EFCAB13: variants seen among roughly 807,000 people sequenced by gnomAD.
EFCAB13 encodes EF-hand calcium binding domain 13, also known as EF-hand calcium-binding domain-containing protein 13.
A neutral mutation model predicts 110.2 loss-of-function variants in EFCAB13; 91 were observed. That is an observed-to-expected ratio of 0.83 (90% CI 0.70 to 0.98). The LOEUF is 0.98. EFCAB13 is among the 50% of genes least tolerant of loss of function. EFCAB13 has a pLI of 0.00. For missense variants in EFCAB13, 968 were observed against 1,119.4 expected (o/e 0.86, Z 1.93); for synonymous variants, 323 against 369.9 (o/e 0.87, Z 1.45).
intron 5 of EFCAB13, among the ~76,000 whole-genome samples, chr17:47,336,418 A>G (rs1208766401): frequency 6.6e-6 from 1 of 151,740 alleles, no homozygotes; most frequent in African/African-American, 2.4e-5. Flanking sequence ...CAGCCTCCCA[A>G]GTAGCTGGGA....
intron 23 of EFCAB13, chr17:47,423,592 A>C: frequency 6.9e-5 from 23 of 334,640 alleles, no homozygotes; most frequent in Non-Finnish European, 7.5e-5. Flanking sequence ...CGGTCCTGGG[A>C]ACCCGCGACG....
intron 14 of EFCAB13, among the ~76,000 whole-genome samples, chr17:47,379,817 T>C (rs1219008408): frequency 1.3e-5 from 2 of 152,224 alleles, no homozygotes; most frequent in African/African-American, 2.4e-5. Context: ...TAAGGCTTGC[T>C]GTTTTTATTT....
chr17:47,390,904 GTGTC>G (rs1383889952), intron 14 of EFCAB13, among the ~76,000 whole-genome samples: 6 of 118,892 alleles, frequency 5.0e-5, no homozygotes, highest in South Asian at 2.8e-4. Flanking sequence ...ATGTGTATGT[GTGTC>G]TGTCTGTCTA....
chr17:47,370,227 T>C (rs2143345850), intron 10 of EFCAB13, among the ~76,000 whole-genome samples: 1 of 152,328 alleles, frequency 6.6e-6, no homozygotes, highest in South Asian at 2.1e-4. Flanking sequence ...AAAAACTCTT[T>C]TATTAAGGAG....
chr17:47,424,877 T>G (rs1904882766), intron 23 of EFCAB13, among the ~76,000 whole-genome samples: 1 of 38,518 alleles, frequency 2.6e-5, no homozygotes, highest in Non-Finnish European at 4.9e-5. Flanking sequence ...TGACAATCTT[T>G]TTTTTTTTTT....
intron 6 of EFCAB13, among the ~76,000 whole-genome samples, chr17:47,342,329 A>T (rs1316085240): frequency 6.6e-6 from 1 of 152,032 alleles, no homozygotes; most frequent in Admixed American, 6.6e-5. Context: ...CAGGAACCCT[A>T]GGTGTTCTTT....
intron 24 of EFCAB13, among the ~76,000 whole-genome samples, chr17:47,432,781 G>C (rs1441929476): frequency 6.6e-6 from 1 of 151,776 alleles, no homozygotes; most frequent in Non-Finnish European, 1.5e-5. Context: ...TATTTTAGAT[G>C]TATCTCATGA....
chr17:47,374,949 C>A lies in EFCAB13; in HGVS notation c.1355C>A (p.Thr452Asn). 6.3e-7 allele frequency: 1 copy of A among 1,578,616 alleles called. No individual in the cohort carries two copies. Among genetic ancestry groups the A allele is most frequent in the South Asian group, 1.2e-5 (1 of 83,636 alleles). Reference protein sequence around the residue: ...LQKQVSSTEKTAISTLENFCE... With the variant: ...LQKQVSSTEKNAISTLENFCE... The stretch of plus-strand genomic sequence containing the variant: ...AAACAGGTTTCGTCTACGGAAAAAA[C>A]TGCAATTAGTACTCTGGGTAAGTAA... Residue 452 changes from threonine (T) to asparagine (N), a missense_variant, in exon 12 of 25, where the codon ACT becomes AAT. Coordinates refer to ENST00000331493, the MANE Select transcript of EFCAB13 (RefSeq NM_152347.5).
chr17:47,420,216 C>G (rs761194054), intron 23 of EFCAB13, among the ~76,000 whole-genome samples: 12 of 152,210 alleles, frequency 7.9e-5, no homozygotes, highest in Non-Finnish European at 1.8e-4. Flanking sequence ...CCCAAGGTGC[C>G]GGGGTTGCAG....
chr17:47,440,671 C>T lies in EFCAB13; in HGVS notation c.2879C>T (p.Ser960Phe), dbSNP rs1197542373. 5 of 1,599,646 alleles carry T rather than the reference C, an allele frequency of 3.1e-6. No individual in the cohort carries two copies. Among genetic ancestry groups the T allele is most frequent in the Non-Finnish European group, 3.4e-6 (4 of 1,175,548 alleles). ...AGTTTACATAACTTCTGTTTGAATT[C>T]TAAGGCAAATATTGCTAAGCTTAAC... ...KISLHNFCLN[S>F]KANIAKLNPN... Residue 960 changes from serine to phenylalanine, a missense_variant, in exon 25 of 25, where the codon TCT (serine) becomes TTT (phenylalanine). Ser to Phe is a radical substitution (Grantham distance 155). Transcript: ENST00000331493.
intron 21 of EFCAB13, among the ~76,000 whole-genome samples, chr17:47,409,996 C>T (rs1393539184): frequency 1.3e-5 from 2 of 152,084 alleles, no homozygotes; most frequent in African/African-American, 4.8e-5. Flanking sequence ...CTCCCCTTTC[C>T]TCCCACTACA....
chr17:47,377,943 A>AT, intron 13 of EFCAB13, 40 bp downstream of exon 13: 1 of 1,531,364 alleles, frequency 6.5e-7, no homozygotes, highest in Non-Finnish European at 8.8e-7. Flanking sequence ...AGAAAGTTAG[A>AT]TATTTTTATC....
intron 17 of EFCAB13, among the ~76,000 whole-genome samples, chr17:47,400,582 TTTGCCTCC>T (rs958044435): frequency 2.1e-4 from 32 of 151,842 alleles, no homozygotes; most frequent in South Asian, 8.3e-4. Flanking sequence ...CCTTTCTTCC[TTTGCCTCC>T]TTGCCTCCTT....
intron 23 of EFCAB13, among the ~76,000 whole-genome samples, chr17:47,416,300 GCTA>G (rs1175378906): frequency 6.6e-6 from 1 of 152,062 alleles, no homozygotes; most frequent in African/African-American, 2.4e-5. Flanking sequence ...CCTCTCTCCA[GCTA>G]CTGACAACCA....
intron 12 of EFCAB13, among the ~76,000 whole-genome samples, chr17:47,377,395 C>T (rs1468497549): frequency 6.6e-6 from 1 of 152,132 alleles, no homozygotes. Flanking sequence ...CTCTTGACCT[C>T]CAATGACCCA....
At chr17:47,420,846 C>T (rs1470828036) in intron 23 of EFCAB13, among the ~76,000 whole-genome samples, 10 of 149,618 alleles carry the variant, frequency 6.7e-5, no homozygotes, top group Admixed American at 4.0e-4. Flanking sequence ...CCAGCCACCC[C>T]GTCCGGGAGG....
At chr17:47,400,631 A>T (rs1445792364) in intron 17 of EFCAB13, among the ~76,000 whole-genome samples, 5 of 78,582 alleles carry the variant, frequency 6.4e-5, no homozygotes, top group South Asian at 7.3e-4. Context: ...TTCCCTTCCC[A>T]CTCTCCCTCC....
chr17:47,398,930 C>A lies in EFCAB13; in HGVS notation c.1945+2953C>A, dbSNP rs530132187. Among the ~76,000 whole-genome samples the A allele has an allele frequency of 2.5e-3, 380 of 152,148 alleles. 3 individuals carry two copies. Among genetic ancestry groups the A allele is most frequent in the African/African-American group, 8.9e-3 (371 of 41,512 alleles). ...AAACTCATATATTGTGTTTATTATT[C>A]TTTCTTTGGAGGGGACAAGGTCTTG... On this transcript the variant is annotated intron_variant, in intron 17 of 24. Coordinates refer to ENST00000331493, the MANE Select transcript of EFCAB13 (RefSeq NM_152347.5).
At chr17:47,359,621 ATT>A (rs202244723) in intron 9 of EFCAB13, among the ~76,000 whole-genome samples, 3 of 145,406 alleles carry the variant, frequency 2.1e-5, no homozygotes, top group African/African-American at 5.1e-5. Flanking sequence ...TTTTTTTTCA[ATT>A]TTTTTTTTAT....
Sources: gnomAD v4.1 joint callset for allele counts (sites outside exome capture counted in the v4.1 genomes callset) on GRCh38, gnomAD v4.1.1 for gene constraint, MANE v1.5 for transcripts, NCBI Gene and HGNC (gene_info 2026-07-23, HGNC 2026-07-21) for gene names.